FCRL2: variants seen among roughly 807,000 people sequenced by gnomAD.
FCRL2 encodes the protein Fc receptor like 2, also known as Fc receptor-like protein 2.
A neutral mutation model predicts 59.8 loss-of-function variants in FCRL2; 48 were observed. The observed-to-expected ratio is 0.80, with a 90% CI of 0.64 to 1.02. The LOEUF is 1.02. Ranked by LOEUF, FCRL2 falls within the 50% of genes least tolerant of loss-of-function variation. The pLI is 0.00. For missense variants in FCRL2, 658 were observed against 597.3 expected (o/e 1.10, Z -1.06); for synonymous variants, 251 against 229.5 (o/e 1.09, Z -0.85).
chr1:157,748,692 C>T (rs1647951969), intron 9 of FCRL2, 74 bp from the exon 10 acceptor site: 3 of 1,343,284 alleles, frequency 2.2e-6, no homozygotes, highest in African/African-American at 2.9e-5. Flanking sequence ...TTCCCAGGCC[C>T]TGGCTTAATG....
chr1:157,776,808 C>T (rs534137276), intron 1 of FCRL2, among the ~76,000 whole-genome samples: 1 of 152,254 alleles, frequency 6.6e-6, no homozygotes, highest in East Asian at 1.9e-4. Context: ...TCATGACCAG[C>T]AAATGGAAAA....
intron 7 of FCRL2, among the ~76,000 whole-genome samples, chr1:157,762,231 C>T (rs980305858): frequency 3.9e-5 from 6 of 152,196 alleles, no homozygotes; most frequent in African/African-American, 1.4e-4. Flanking sequence ...GCACCATCTG[C>T]AGGTCTGGAG....
At chr1:157,747,284 A>T (rs1168539216) in intron 10 of FCRL2, among the ~76,000 whole-genome samples, 1 of 152,182 alleles carries the variant, frequency 6.6e-6, no homozygotes, top group African/African-American at 2.4e-5. Flanking sequence ...TTGGAATAGA[A>T]GCATAGATAA....
intron 7 of FCRL2, among the ~76,000 whole-genome samples, chr1:157,765,523 C>A (rs1649426240): frequency 6.6e-6 from 1 of 152,180 alleles, no homozygotes; most frequent in Non-Finnish European, 1.5e-5. Flanking sequence ...CCCTGATGAA[C>A]ACAGACACAA....
intron 10 of FCRL2, among the ~76,000 whole-genome samples, chr1:157,748,008 G>A (rs375704912): frequency 2.6e-5 from 4 of 152,020 alleles, no homozygotes; most frequent in African/African-American, 7.2e-5. Context: ...AGACTCATTA[G>A]ACCATCACCC....
chr1:157,752,037 G>T (rs1159764697), intron 7 of FCRL2, among the ~76,000 whole-genome samples: 1 of 152,244 alleles, frequency 6.6e-6, no homozygotes, highest in Non-Finnish European at 1.5e-5. Flanking sequence ...GGCCTGAAGA[G>T]GGTCTGAGCT....
At chr1:157,775,666 A>G (rs2101775946) in intron 2 of FCRL2, 109 bp downstream of exon 2, 2 of 1,195,978 alleles carry the variant, frequency 1.7e-6, no homozygotes, top group Middle Eastern at 3.9e-4. Context: ...GAGGGCAGTA[A>G]TATTAGGACA....
chr1:157,769,825 C>T (rs1456660581), intron 4 of FCRL2, 41 bp downstream of exon 4: 1 of 1,595,944 alleles, frequency 6.3e-7, no homozygotes, highest in Non-Finnish European at 8.6e-7. Flanking sequence ...CTATAACACT[C>T]CTATCTTTTT....
intron 7 of FCRL2, among the ~76,000 whole-genome samples, chr1:157,756,558 G>C (rs1648603500): frequency 6.6e-6 from 1 of 151,974 alleles, no homozygotes; most frequent in South Asian, 2.1e-4. Context: ...GCATGCCTGT[G>C]GTCCCATCTA....
At chr1:157,751,799 C>T (rs1193695880) in intron 7 of FCRL2, among the ~76,000 whole-genome samples, 1 of 152,230 alleles carries the variant, frequency 6.6e-6, no homozygotes, top group Non-Finnish European at 1.5e-5. Flanking sequence ...GAATGAATCA[C>T]CTGCATCACA....
chr1:157,774,689 G>A (rs926904501), intron 2 of FCRL2, among the ~76,000 whole-genome samples: 1 of 152,128 alleles, frequency 6.6e-6, no homozygotes, highest in Admixed American at 6.5e-5. Context: ...TGGAGTGATG[G>A]GTATCACAGG....
intron 2 of FCRL2, among the ~76,000 whole-genome samples, chr1:157,775,192 G>A (rs189036871): frequency 9.1e-4 from 139 of 152,246 alleles, no homozygotes; most frequent in African/African-American, 3.2e-3. Context: ...ATCCTCATTC[G>A]TTTACATATG....
At chr1:157,765,019 A>G (rs968087572) in intron 7 of FCRL2, among the ~76,000 whole-genome samples, 1 of 152,192 alleles carries the variant, frequency 6.6e-6, no homozygotes. Flanking sequence ...CAAAGGATCA[A>G]TAAAACAAAA....
intron 1 of FCRL2, among the ~76,000 whole-genome samples, chr1:157,776,409 A>G (rs1650416401): frequency 6.6e-6 from 1 of 152,160 alleles, no homozygotes; most frequent in Non-Finnish European, 1.5e-5. Context: ...AGCTGGAATT[A>G]CAGGTGCCCA....
intron 7 of FCRL2, among the ~76,000 whole-genome samples, chr1:157,754,307 C>T (rs552770552): frequency 6.6e-6 from 1 of 152,130 alleles, no homozygotes. Flanking sequence ...CCTCTAGTTG[C>T]CCTCACTGCT....
At chr1:157,761,660 T>G (rs1218697202) in intron 7 of FCRL2, among the ~76,000 whole-genome samples, 1 of 152,284 alleles carries the variant, frequency 6.6e-6, no homozygotes, top group African/African-American at 2.4e-5. Flanking sequence ...AGATAATATA[T>G]GTAAACCTGC....
chr1:157,769,184 A>G (rs1649777927), intron 4 of FCRL2: 1 of 155,748 alleles, frequency 6.4e-6, no homozygotes. Flanking sequence ...CCTTCTAATA[A>G]GTCAATTTGT....
chr1:157,774,319 CTG>C (rs563774978), intron 2 of FCRL2: 315 of 390,254 alleles, frequency 8.1e-4, no homozygotes, highest in African/African-American at 6.3e-3. Flanking sequence ...AGAGCCAAGA[CTG>C]GGGTTCAGAG....
chr1:157,765,448 T>C (rs1204516455), intron 7 of FCRL2, among the ~76,000 whole-genome samples: 1 of 152,128 alleles, frequency 6.6e-6, no homozygotes, highest in African/African-American at 2.4e-5. Context: ...TCTACAAGGA[T>C]AGAATTACCC....
Sources: allele counts gnomAD v4.1 joint callset (sites outside exome capture counted in the v4.1 genomes callset), GRCh38; gene constraint gnomAD v4.1.1; transcripts MANE v1.5; gene names NCBI Gene and HGNC (gene_info 2026-07-23, HGNC 2026-07-21).